The following RALGPS1 variants were observed in gnomAD, a reference collection of about 807,000 sequenced individuals.
RALGPS1 encodes ras-specific guanine nucleotide-releasing factor RalGPS1.
A neutral mutation model predicts 78.8 loss-of-function variants in RALGPS1; 19 were observed. That is an observed-to-expected ratio of 0.24 (90% CI 0.17 to 0.35). The LOEUF is 0.35. Among genes scored for constraint, RALGPS1 ranks in the 10% least tolerant of loss-of-function variants. The probability of loss-of-function intolerance (pLI) is 1.00; values close to 1 mark genes in which losing one functional copy is unlikely to be tolerated. For synonymous variants in RALGPS1, 228 were observed against 256.3 expected (o/e 0.89, Z 1.06); for missense variants, 454 against 688.3 (o/e 0.66, Z 3.81).
chr9:127,089,985 A>G (rs1193824268), intron 8 of RALGPS1, among the ~76,000 whole-genome samples: 3 of 152,224 alleles, frequency 2.0e-5, no homozygotes, highest in Non-Finnish European at 2.9e-5. Context: ...CCAACAGAGC[A>G]GGTGGCCGAG....
In RALGPS1 at chr9:127,124,562, T is replaced by C. The variant is rs1295046639; in HGVS notation, c.611-41507T>C. On this transcript the variant is annotated intron_variant, in intron 8 of 18. Coordinates refer to ENST00000259351, the MANE Select transcript of RALGPS1 (RefSeq NM_014636.3). ...AGGCCCCATGCGTATAATAAGATGG[T>C]GGTTTTAGGCCGCTAAATTTTGGTG... Among the ~76,000 whole-genome samples the C allele has an allele frequency of 3.3e-5, 5 of 152,236 alleles. No homozygotes were observed. The East Asian group carries it at 5.8e-4, about 18-fold the overall frequency.
chr9:126,920,329 A>G (rs966810592), intron 1 of RALGPS1, among the ~76,000 whole-genome samples: 2 of 152,166 alleles, frequency 1.3e-5, no homozygotes, highest in African/African-American at 4.8e-5. Context: ...GTGCTGTGCT[A>G]TATGCTAGGT....
intron 4 of RALGPS1, among the ~76,000 whole-genome samples, chr9:127,023,693 C>T (rs1430098515): frequency 6.6e-6 from 1 of 152,126 alleles, no homozygotes; most frequent in East Asian, 1.9e-4. Context: ...AGGTGTGTTT[C>T]CCTAAGGCCC....
Position 127,191,216 on chromosome 9 carries a change from G to A in RALGPS1, c.911-3875G>A, listed in dbSNP as rs142420614. On this transcript the variant is annotated intron_variant, in intron 11 of 18. Coordinates refer to ENST00000259351, the MANE Select transcript of RALGPS1 (RefSeq NM_014636.3). The stretch of plus-strand genomic sequence containing the variant: ...ACTGATTTTGATGTCGTTTTTGGTC[G>A]GTTGTTTTGGTACAGACATTTAAAT... Among the ~76,000 whole-genome samples the A allele has an allele frequency of 2.2e-3, 330 of 152,134 alleles. 1 individual carries two copies. Among genetic ancestry groups the A allele is most frequent in the African/African-American group, 7.6e-3 (314 of 41,496 alleles).
chr9:126,921,739 C>G (rs2034779422), intron 1 of RALGPS1, among the ~76,000 whole-genome samples: 1 of 152,168 alleles, frequency 6.6e-6, no homozygotes, highest in Non-Finnish European at 1.5e-5. Context: ...CTCATCGATA[C>G]AAGAGGTGAG....
At chr9:126,999,387 A>G (rs2043077748) in intron 4 of RALGPS1, among the ~76,000 whole-genome samples, 1 of 152,130 alleles carries the variant, frequency 6.6e-6, no homozygotes, top group Admixed American at 6.5e-5. Context: ...TGTGCATTCT[A>G]TCAGTTTGAC....
At chr9:126,980,171 C>T (rs1171232567) in intron 4 of RALGPS1, among the ~76,000 whole-genome samples, 1 of 152,222 alleles carries the variant, frequency 6.6e-6, no homozygotes, top group Non-Finnish European at 1.5e-5. Flanking sequence ...CATTAGCAGA[C>T]TGAAAACTGA....
intron 4 of RALGPS1, among the ~76,000 whole-genome samples, chr9:126,985,800 AGAGGGTC>A (rs2041742967): frequency 6.6e-6 from 1 of 152,218 alleles, no homozygotes; most frequent in African/African-American, 2.4e-5. Context: ...ATTTGGTTCT[AGAGGGTC>A]TGCATACTGA....
rs559375107 is a variant in RALGPS1, at chr9:127,093,434, C to T, written c.610+24078C>T. 1.2e-4 allele frequency among the ~76,000 whole-genome samples: 18 copies of T among 152,314 alleles called. 1 individual carries two copies. The East Asian group carries it at 2.5e-3, about 21-fold the overall frequency. ...CCTCACCCCTGGGCCCCCATACCAGCGTTTCTAAACTCTCACCCTGTCCTG... is the reference window on the plus strand; with the variant it reads ...CCTCACCCCTGGGCCCCCATACCAGTGTTTCTAAACTCTCACCCTGTCCTG... On this transcript the variant is annotated intron_variant, in intron 8 of 18. Transcript: ENST00000259351.
intron 8 of RALGPS1, among the ~76,000 whole-genome samples, chr9:127,151,561 G>C (rs561114240): frequency 6.6e-6 from 1 of 152,258 alleles, no homozygotes; most frequent in South Asian, 2.1e-4. Context: ...TTACAGCGGA[G>C]GGGAAAGGGA....
intron 4 of RALGPS1, among the ~76,000 whole-genome samples, chr9:127,015,624 G>A (rs944653956): frequency 2.6e-5 from 4 of 152,112 alleles, no homozygotes; most frequent in South Asian, 2.1e-4. Context: ...GGGTCTCAGC[G>A]TCCCCAAGAT....
chr9:127,086,711 C>T (rs1203914386), intron 8 of RALGPS1, among the ~76,000 whole-genome samples: 1 of 152,032 alleles, frequency 6.6e-6, no homozygotes, highest in Admixed American at 6.6e-5. Context: ...AATTTGAGTT[C>T]TGAAAAAAGT....
At chr9:127,096,826 T>C (rs1311889591) in intron 8 of RALGPS1, among the ~76,000 whole-genome samples, 2 of 152,210 alleles carry the variant, frequency 1.3e-5, no homozygotes, top group African/African-American at 4.8e-5. Flanking sequence ...GTAGTAATAA[T>C]AATAGCCAGT....
intron 4 of RALGPS1, among the ~76,000 whole-genome samples, chr9:127,019,358 T>C (rs537291618): frequency 6.6e-6 from 1 of 152,254 alleles, no homozygotes; most frequent in East Asian, 1.9e-4. Context: ...GATGGAGTCT[T>C]GCTTTGTCGC....
intron 3 of RALGPS1, among the ~76,000 whole-genome samples, chr9:126,967,606 A>C (rs2039646459): frequency 6.6e-6 from 1 of 152,046 alleles, no homozygotes; most frequent in Non-Finnish European, 1.5e-5. Context: ...GCACAGTCAC[A>C]GCTTATAAAA....
intron 1 of RALGPS1, among the ~76,000 whole-genome samples, chr9:126,929,173 A>C (rs1339465522): frequency 3.3e-5 from 5 of 152,264 alleles, no homozygotes; most frequent in African/African-American, 1.2e-4. Context: ...GAAATGAACA[A>C]CATCAACAGT....
chr9:127,016,540 G>C (rs747514154), intron 4 of RALGPS1: 4 of 152,196 alleles, frequency 2.6e-5, no homozygotes, highest in Non-Finnish European at 5.9e-5. Flanking sequence ...AATGTGAACG[G>C]CATGTGTCCT....
chr9:127,177,984 G>C (rs552226835), intron 11 of RALGPS1: 1 of 1,543,476 alleles, frequency 6.5e-7, no homozygotes, highest in African/African-American at 1.4e-5. Context: ...TGGTTCACAT[G>C]AAGAGACTTT....
intron 8 of RALGPS1, among the ~76,000 whole-genome samples, chr9:127,154,071 C>A (rs1302704474): frequency 6.6e-6 from 1 of 152,234 alleles, no homozygotes. Flanking sequence ...TCCCATCCCA[C>A]CCCACCACAC....
Sources: allele counts gnomAD v4.1 joint callset (sites outside exome capture counted in the v4.1 genomes callset), GRCh38; gene constraint gnomAD v4.1.1; transcripts MANE v1.5; gene names NCBI Gene and HGNC (gene_info 2026-07-23, HGNC 2026-07-21).